The following TJP1 variants were observed in gnomAD, a reference collection of about 807,000 sequenced individuals.
The protein encoded by TJP1 is tight junction protein 1.
Under a neutral mutation model 194.2 loss-of-function variants are expected in TJP1, and 43 were observed. The observed-to-expected ratio is 0.22, with a 90% CI of 0.17 to 0.29. The LOEUF (loss-of-function observed/expected upper bound fraction) is 0.29. Among genes scored for constraint, TJP1 ranks in the 10% least tolerant of loss-of-function variants. The pLI is 1.00. For synonymous variants in TJP1, 801 were observed against 779.0 expected (o/e 1.03, Z -0.47); for missense variants, 1,971 against 2,185.7 (o/e 0.90, Z 1.96).
At chr15:29,874,925 T>C (rs2052646399) in intron 2 of TJP1, among the ~76,000 whole-genome samples, 1 of 152,192 alleles carries the variant, frequency 6.6e-6, no homozygotes, top group African/African-American at 2.4e-5. Context: ...AAGAAGCAAA[T>C]AATACCAATG....
At chr15:29,845,915 A>G (rs1343745017) in intron 2 of TJP1, among the ~76,000 whole-genome samples, 1 of 152,186 alleles carries the variant, frequency 6.6e-6, no homozygotes, top group Non-Finnish European at 1.5e-5. Flanking sequence ...GGGGGAGGTC[A>G]ACATTCACAT....
At chr15:29,723,747 GTAAT>G (rs1168678220) in intron 18 of TJP1, among the ~76,000 whole-genome samples, 3 of 152,172 alleles carry the variant, frequency 2.0e-5, no homozygotes, top group African/African-American at 7.2e-5. Flanking sequence ...CTTTTGTTAA[GTAAT>G]TAAGAACTCA....
rs2046011892 is a variant in TJP1 at position 29,761,610 on chromosome 15, C to G, written c.853G>C (p.Glu285Gln). ...ACAGAATCACACTCACCGTCTCTCT[C>G]AGAGGCATTAGCAGAGTGGATGCTG... ...SDSIHSANAS[E>Q]RDDISEIQSL... The change falls in exon 7 of 28, where the codon GAG becomes CAG. Residue 285 changes from glutamate to glutamine, a missense_variant. By Grantham distance (29) the Glu-to-Gln change is conservative. Around this residue, in one of 5 missense-constraint regions of TJP1, gnomAD observed 192 missense variants for 182.3 expected, o/e 1.05. Coordinates refer to ENST00000614355, the MANE Select transcript of TJP1 (RefSeq NM_001330239.4). 1.3e-6 allele frequency: 2 copies of G among 1,599,206 alleles called. No homozygotes were observed. The highest frequency in any genetic ancestry group is 2.7e-5 in the African/African-American group (2 of 74,692).
In TJP1 at chr15:29,822,079, G is replaced by A; in HGVS notation, c.-51C>T. 8.0e-7 allele frequency: 1 copy of A among 1,246,928 alleles called. No homozygotes were observed. The highest frequency in any genetic ancestry group is 3.3e-5 in the South Asian group (1 of 30,290). 77.2% of individuals were successfully genotyped at this position (1,246,928 alleles called of 1,614,324 possible). A position where few individuals can be genotyped will look rare whatever the true frequency, so the allele number is the denominator to read the frequency against. ...GGCTCCTCGGACCCGAAACTCCGCG[G>A]CGCTGGCCCGCCCGCTCCTCACGCC... On this transcript the variant is annotated 5_prime_UTR_variant, in exon 1 of 28. Transcript: ENST00000614355.
chr15:29,792,961 CTT>C (rs2048187890), intron 2 of TJP1, among the ~76,000 whole-genome samples: 1 of 152,180 alleles, frequency 6.6e-6, no homozygotes, highest in Non-Finnish European at 1.5e-5. Flanking sequence ...TATATGCTGA[CTT>C]TGCATCCTGC....
At chr15:29,900,512 C>G (rs1290697078) in intron 2 of TJP1, among the ~76,000 whole-genome samples, 2 of 152,162 alleles carry the variant, frequency 1.3e-5, no homozygotes, top group East Asian at 3.9e-4. Flanking sequence ...TAAGCAGTCA[C>G]ATACTGGATC....
At chr15:29,747,799 T>C (rs1487614868) in intron 8 of TJP1, among the ~76,000 whole-genome samples, 2 of 152,232 alleles carry the variant, frequency 1.3e-5, no homozygotes, top group Admixed American at 6.5e-5. Context: ...GCTATACATG[T>C]AGGGCTCTTG....
chr15:29,797,502 G>A (rs561313740), intron 2 of TJP1, among the ~76,000 whole-genome samples: 72 of 146,736 alleles, frequency 4.9e-4, no homozygotes, highest in Non-Finnish European at 9.7e-4. Flanking sequence ...GTCATTAAGA[G>A]AAAGAAAAGG....
intron 18 of TJP1, among the ~76,000 whole-genome samples, chr15:29,725,491 A>C (rs1053027388): frequency 6.6e-6 from 1 of 152,138 alleles, no homozygotes; most frequent in Non-Finnish European, 1.5e-5. Flanking sequence ...AGGAAGTACA[A>C]AGAACAAAAT....
intron 2 of TJP1, among the ~76,000 whole-genome samples, chr15:29,842,402 C>T (rs2051257049): frequency 6.6e-6 from 1 of 150,616 alleles, no homozygotes; most frequent in African/African-American, 2.5e-5. Flanking sequence ...CGTGTCCCAA[C>T]AGCTCAGGGT....
intron 23 of TJP1, among the ~76,000 whole-genome samples, chr15:29,713,100 C>A (rs2042339767): frequency 1.3e-5 from 2 of 152,230 alleles, no homozygotes; most frequent in Admixed American, 1.3e-4. Context: ...ACAAAAACAA[C>A]TGAACATCAG....
At chr15:29,904,539 C>T (rs2053742635) in intron 2 of TJP1, among the ~76,000 whole-genome samples, 2 of 150,970 alleles carry the variant, frequency 1.3e-5, no homozygotes, top group African/African-American at 2.4e-5. Context: ...ATGGCAATGG[C>T]TATAAACAAA....
At chr15:29,892,541 G>A (rs1018544171) in intron 2 of TJP1, among the ~76,000 whole-genome samples, 4 of 152,208 alleles carry the variant, frequency 2.6e-5, no homozygotes, top group Non-Finnish European at 4.4e-5. Context: ...AGCTTCAAAG[G>A]ACAGGCTGTC....
intron 2 of TJP1, among the ~76,000 whole-genome samples, chr15:29,792,763 T>C (rs2048176262): frequency 6.6e-6 from 1 of 152,248 alleles, no homozygotes; most frequent in African/African-American, 2.4e-5. Context: ...TTTCCACTTT[T>C]TGGTGCCGTC....
chr15:29,951,464 G>C (rs2055749980), intron 2 of TJP1, among the ~76,000 whole-genome samples: 1 of 151,862 alleles, frequency 6.6e-6, no homozygotes, highest in Non-Finnish European at 1.5e-5. Context: ...CTCCGTGCCT[G>C]GCCAGATGCT....
intron 2 of TJP1, among the ~76,000 whole-genome samples, chr15:29,892,132 C>T (rs2053331448): frequency 6.6e-6 from 1 of 152,202 alleles, no homozygotes; most frequent in Non-Finnish European, 1.5e-5. Context: ...AGCCTTATTG[C>T]TGATATGGAG....
intron 2 of TJP1, among the ~76,000 whole-genome samples, chr15:29,790,760 T>A (rs1043882986): frequency 2.0e-5 from 3 of 151,990 alleles, no homozygotes; most frequent in Admixed American, 2.0e-4. Context: ...TCTTTTTTTT[T>A]TTTTTTTTAG....
intron 23 of TJP1, among the ~76,000 whole-genome samples, chr15:29,714,422 T>G (rs1166766445): frequency 1.3e-5 from 2 of 151,046 alleles, no homozygotes; most frequent in Non-Finnish European, 2.9e-5. Context: ...GTATTTTTAG[T>G]AGAGACAGGG....
In TJP1 at chr15:29,821,831, CTCCCCGCGGCCCGCGGCCCGCGGCCCGCG is replaced by C. The variant is rs1224501026; in HGVS notation, c.27+142_27+170del. 2.1e-5 allele frequency among the ~76,000 whole-genome samples: 3 copies of C among 144,804 alleles called. No individual in the cohort carries two copies. The South Asian group carries it at 6.4e-4, about 31-fold the overall frequency. 95.0% of individuals were successfully genotyped at this position (144,804 alleles called of 152,430 possible). A position where few individuals can be genotyped will look rare whatever the true frequency, so the allele number is the denominator to read the frequency against. ...GCCCGCGCCGCCCCCGCCCGAGGGG[CTCCCCGCGGCCCGCGGCCCGCGGCCCGCG>C]GCCCCGCGCCAGCCCTGCCCACCCC... On this transcript the variant is annotated intron_variant, in intron 1 of 27. Transcript: ENST00000614355.
Sources: allele counts gnomAD v4.1 joint callset (sites outside exome capture counted in the v4.1 genomes callset), GRCh38; gene constraint gnomAD v4.1.1; regional missense constraint gnomAD v4.1.1; transcripts MANE v1.5; gene names NCBI Gene and HGNC (gene_info 2026-07-23, HGNC 2026-07-21).